The following GNB2 variants were observed in gnomAD, a reference collection of about 807,000 sequenced individuals.
GNB2 encodes G protein subunit beta 2.
A neutral mutation model predicts 40.7 loss-of-function variants in GNB2; 7 were observed. The ratio of observed to expected loss-of-function variants is 0.17; its 90% CI spans 0.10 to 0.32. GNB2 has a LOEUF of 0.32. GNB2 is among the 10% of genes least tolerant of loss of function. The probability of loss-of-function intolerance (pLI) is 1.00; values close to 1 mark genes in which losing one functional copy is unlikely to be tolerated. For synonymous variants in GNB2, 254 were observed against 191.2 expected, an observed-to-expected ratio of 1.33 and a Z score of -2.71; for missense variants, 286 against 473.0, an observed-to-expected ratio of 0.60 and a Z score of 3.67.
intron 7 of GNB2, 57 bp downstream of exon 7, chr7:100,677,875 G>A: frequency 6.8e-7 from 1 of 1,461,520 alleles, no homozygotes; most frequent in South Asian, 1.2e-5. Context: ...TGCCTCAGGG[G>A]CCACCGTCCC....
At chr7:100,678,658 C>A (rs200568621) in intron 9 of GNB2, 37 bp from the exon 10 acceptor site, 5 of 1,608,262 alleles carry the variant, frequency 3.1e-6, no homozygotes, top group Admixed American at 1.7e-5. Flanking sequence ...ACCTGGAGCC[C>A]AGGCCCAATG....
chr7:100,677,798 C>T lies in GNB2; in HGVS notation c.477C>T (p.Thr159=), dbSNP rs1456569862. The T allele has an allele frequency of 6.2e-7, 1 of 1,613,698 alleles. No homozygotes were observed. Among genetic ancestry groups the T allele is most frequent in the Admixed American group, 1.7e-5 (1 of 60,016 alleles). Residue 159 remains threonine, a synonymous_variant, in exon 7 of 10, where the codon ACC becomes ACT. Coordinates refer to ENST00000303210, the MANE Select transcript of GNB2 (RefSeq NM_005273.4). ...TCCTGGATGACAACCAAATCATCACCAGCTCTGGGGATACCACCTGGTGAG... is the reference window on the plus strand; with the variant it reads ...TCCTGGATGACAACCAAATCATCACTAGCTCTGGGGATACCACCTGGTGAG... The part of the protein sequence containing the change: ...CRFLDDNQII[T]SSGDTTCALW...
At chr7:100,676,929 G>A (rs980294142) in intron 4 of GNB2, 130 bp downstream of exon 4, 2 of 625,908 alleles carry the variant, frequency 3.2e-6, no homozygotes, top group African/African-American at 3.7e-5. Flanking sequence ...GTGACTCCCA[G>A]ACATGTCCGC....
rs774876888 is a variant in GNB2, at chr7:100,677,598, T to C, written c.368T>C (p.Ile123Thr). ...ACGGLDNICSIYSLKTREGNV... is the reference protein window; with the variant it reads ...ACGGLDNICSTYSLKTREGNV... ...GGGGGGTTGGACAACATCTGCTCCA[T>C]CTACAGCCTCAAGACCCGCGAGGGC... is the stretch of plus-strand genomic sequence containing the variant. Residue 123 changes from isoleucine to threonine, a missense_variant, in exon 6 of 10, where the codon ATC becomes ACC. Transcript: ENST00000303210. 2 of 1,613,394 alleles carry C rather than the reference T, an allele frequency of 1.2e-6. No homozygotes were observed. The highest frequency in any genetic ancestry group is 1.7e-6 in the Non-Finnish European group (2 of 1,180,028).
chr7:100,676,637 C>T lies in GNB2; in HGVS notation c.97-56C>T. 6 of 1,527,964 alleles carry T rather than the reference C, an allele frequency of 3.9e-6. No homozygotes were observed. The Admixed American group carries it at 1.0e-4, about 25-fold the overall frequency. The allele number at this position is 1,527,964 out of a possible 1,614,324, so 94.7% of individuals were successfully genotyped here. A position where few individuals can be genotyped will look rare whatever the true frequency, so the allele number is the denominator to read the frequency against. ...AAGGGGCAAGGATCAGAGGCCGCTG[C>T]CCTCTGCAGTCCTGCTGCCTGGGCC... On this transcript the variant is annotated intron_variant, in intron 3 of 9. Transcript: ENST00000303210.
rs750156691 is a variant in GNB2 at position 100,678,529 on chromosome 7, C to T, written c.831C>T (p.Ala277=). ...DNIICGITSV[A]FSRSGRLLLA... is the part of the protein sequence containing the mutation. Reference sequence around the variant, plus strand: ...TCATCTGTGGCATCACCTCTGTTGCCTTCTCGCGCAGCGGACGGCTGCTGC... The same window carrying T: ...TCATCTGTGGCATCACCTCTGTTGCTTTCTCGCGCAGCGGACGGCTGCTGC... Residue 277 remains alanine, a synonymous_variant, in exon 9 of 10, where the codon GCC becomes GCT. Coordinates refer to ENST00000303210, the MANE Select transcript of GNB2 (RefSeq NM_005273.4). 1.2e-6 allele frequency: 2 copies of T among 1,613,980 alleles called. No homozygotes were observed. Among genetic ancestry groups the T allele is most frequent in the South Asian group, 2.2e-5 (2 of 91,090 alleles).
chr7:100,674,156 A>C (rs1584477681), intron 1 of GNB2, among the ~76,000 whole-genome samples: 1 of 150,844 alleles, frequency 6.6e-6, no homozygotes, highest in African/African-American at 2.4e-5. Flanking sequence ...TTTTTGCCCG[A>C]CCCCAGACCC....
At chr7:100,677,451 A>G in intron 5 of GNB2, 36 bp downstream of exon 5, 4 of 1,612,086 alleles carry the variant, frequency 2.5e-6, no homozygotes, top group Non-Finnish European at 3.4e-6. Context: ...GGGCAGGGCC[A>G]CAGGGCCCTG....
At position 100,678,295 on chromosome 7, in the gene GNB2, T is replaced by C; in HGVS notation, c.695T>C (p.Val232Ala). Residue 232 changes from valine (V) to alanine (A), a missense_variant, in exon 8 of 10, where the codon GTG becomes GCG. By Grantham distance (64) the Val-to-Ala change is moderately conservative. Coordinates refer to ENST00000303210, the MANE Select transcript of GNB2 (RefSeq NM_005273.4). ...FIGHESDINA[V>A]AFFPNGYAFT... ...GGCCATGAATCCGACATCAATGCAG[T>C]GGCTGTGAGTTTTGGGGCGAGCTAG... is the stretch of plus-strand genomic sequence containing the variant. 6.2e-7 allele frequency: 1 copy of C among 1,613,314 alleles called. No individual in the cohort carries two copies. Among genetic ancestry groups the C allele is most frequent in the Non-Finnish European group, 8.5e-7 (1 of 1,179,588 alleles).
chr7:100,676,846 G>A (rs1262271859), intron 4 of GNB2, 47 bp downstream of exon 4: 1 of 1,110,998 alleles, frequency 9.0e-7, no homozygotes, highest in South Asian at 1.4e-5. Flanking sequence ...CTTTCTAGCA[G>A]GCCGTGGGAG....
chr7:100,677,185 G>C (rs976183669), intron 4 of GNB2, 167 bp from the exon 5 acceptor site: 44 of 621,578 alleles, frequency 7.1e-5, no homozygotes, highest in Non-Finnish European at 1.2e-4. Flanking sequence ...GCTGAGGTGG[G>C]AGGATCACTT....
chr7:100,676,003 G>C (rs1048555119), intron 1 of GNB2, 174 bp from the exon 2 acceptor site: 3 of 461,642 alleles, frequency 6.5e-6, no homozygotes, highest in Non-Finnish European at 1.1e-5. Context: ...TGGGGAAGTC[G>C]GCTCTTACTC....
At chr7:100,677,284 C>T in intron 4 of GNB2, 68 bp from the exon 5 acceptor site, 1 of 1,297,330 alleles carries the variant, frequency 7.7e-7, no homozygotes, top group Admixed American at 1.7e-5. Flanking sequence ...CTTCTCCCAC[C>T]CAAAGGGAAG....
intron 7 of GNB2, 122 bp from the exon 8 acceptor site, chr7:100,677,976 C>T (rs1042192900): frequency 1.9e-5 from 20 of 1,033,578 alleles, no homozygotes; most frequent in Non-Finnish European, 2.6e-5. Context: ...CCACCTAAGG[C>T]TCTGAGAAGA....
At position 100,676,234 on chromosome 7, in the gene GNB2, C is replaced by G. The variant is rs762470758; in HGVS notation, c.-32C>G. ...CAGCCCCCGTCCCGCGGCCCCCAGC[C>G]GCCCCCAACCCTGCCCCACGGGCCC... On this transcript the variant is annotated 5_prime_UTR_variant, in exon 2 of 10. Transcript: ENST00000303210. The G allele has an allele frequency of 4.7e-6, 7 of 1,502,874 alleles. No homozygotes were observed. In the South Asian group the frequency reaches 4.7e-5, roughly 10 times the overall value. 93.1% of individuals were successfully genotyped at this position (1,502,874 alleles called of 1,614,324 possible). A position where few individuals can be genotyped will look rare whatever the true frequency, so the allele number is the denominator to read the frequency against.
intron 2 of GNB2, 47 bp from the exon 3 acceptor site, chr7:100,676,488 C>G: frequency 6.5e-7 from 1 of 1,541,668 alleles, no homozygotes. Flanking sequence ...CCTTTCCTCC[C>G]CAACCTGTCT....
intron 1 of GNB2, chr7:100,675,304 G>C (rs946686298): frequency 1.3e-5 from 2 of 151,976 alleles, no homozygotes; most frequent in Non-Finnish European, 2.9e-5. Context: ...CGGCTCCCAC[G>C]GGCTTTCTGC....
Position 100,678,828 on chromosome 7 carries a change from C to CAGG in GNB2, c.*31_*33dup. The CAGG allele has an allele frequency of 2.6e-6, 4 of 1,526,632 alleles. No homozygotes were observed. Among genetic ancestry groups the CAGG allele is most frequent in the Non-Finnish European group, 3.6e-6 (4 of 1,101,348 alleles). 94.6% of individuals were successfully genotyped at this position (1,526,632 alleles called of 1,614,324 possible). ...GGCCCCACCCCCACTGGGCCCAGGC[C>CAGG]AGGAGGGGCCCTGCCCATGCCCACA... On this transcript the variant is annotated 3_prime_UTR_variant, in exon 10 of 10. Coordinates refer to ENST00000303210, the MANE Select transcript of GNB2 (RefSeq NM_005273.4).
In GNB2 at chr7:100,677,486, C is replaced by T. The variant is rs1227291287; in HGVS notation, c.268-12C>T. ...GGCTGGCTCTGACCCCGGCGCTTCC[C>T]CTGCTCCGCAGGTCCACGCCATCCC... On this transcript the variant is annotated splice_polypyrimidine_tract_variant and intron_variant, in intron 5 of 9. Coordinates refer to ENST00000303210, the MANE Select transcript of GNB2 (RefSeq NM_005273.4). 2 of 1,613,054 alleles carry T rather than the reference C, an allele frequency of 1.2e-6. No individual in the cohort carries two copies. Among genetic ancestry groups the T allele is most frequent in the African/African-American group, 1.3e-5 (1 of 74,932 alleles).
Sources: gnomAD v4.1 joint callset for allele counts (sites outside exome capture counted in the v4.1 genomes callset) on GRCh38, gnomAD v4.1.1 for gene constraint, MANE v1.5 for transcripts, NCBI Gene and HGNC (gene_info 2026-07-23, HGNC 2026-07-21) for gene names.